Variants in SGCZ observed in about 807,000 individuals in gnomAD.
SGCZ encodes the protein zeta-sarcoglycan.
Under a neutral mutation model 41.3 loss-of-function variants are expected in SGCZ, and 40 were observed. The ratio of observed to expected loss-of-function variants is 0.97; its 90% CI spans 0.75 to 1.26. The LOEUF (loss-of-function observed/expected upper bound fraction) is 1.26. SGCZ is among the 50% of genes most tolerant of loss of function. SGCZ has a pLI of 0.00. For synonymous variants in SGCZ, 206 were observed against 137.5 expected (o/e 1.50, Z -3.49); for missense variants, 552 against 369.8 (o/e 1.49, Z -4.04).
At chr8:14,563,365 C>A (rs570921765) in intron 1 of SGCZ, among the ~76,000 whole-genome samples, 1 of 152,048 alleles carries the variant, frequency 6.6e-6, no homozygotes, top group Non-Finnish European at 1.5e-5. Context: ...TCTGGATAGA[C>A]GGCAAAGGCT....
At chr8:14,811,035 A>C (rs1028829623) in intron 1 of SGCZ, among the ~76,000 whole-genome samples, 1 of 152,036 alleles carries the variant, frequency 6.6e-6, no homozygotes, top group Non-Finnish European at 1.5e-5. Flanking sequence ...TTTCTAGATT[A>C]ACTGTAGTGT....
chr8:15,028,758 A>C (rs1044587429), intron 1 of SGCZ, among the ~76,000 whole-genome samples: 6 of 152,042 alleles, frequency 3.9e-5, no homozygotes, highest in Non-Finnish European at 2.9e-5. Flanking sequence ...TCTTTTATTT[A>C]TGAGGTTAAG....
chr8:14,712,540 G>C (rs377465054), intron 1 of SGCZ, among the ~76,000 whole-genome samples: 5 of 152,106 alleles, frequency 3.3e-5, no homozygotes, highest in African/African-American at 9.7e-5. Context: ...AAAAATATTA[G>C]CAAAGTAATT....
chr8:15,178,044 A>G (rs1002655633), intron 1 of SGCZ, among the ~76,000 whole-genome samples: 1 of 152,060 alleles, frequency 6.6e-6, no homozygotes, highest in South Asian at 2.1e-4. Context: ...TAGCCTTGCA[A>G]TTTGCTCCAT....
intron 1 of SGCZ, among the ~76,000 whole-genome samples, chr8:15,134,419 G>C (rs1350973554): frequency 1.3e-5 from 2 of 151,724 alleles, no homozygotes; most frequent in Non-Finnish European, 2.9e-5. Flanking sequence ...ATGCCCAAGG[G>C]TACATTCACT....
chr8:14,515,905 TATC>T (rs1802606313), intron 2 of SGCZ, among the ~76,000 whole-genome samples: 1 of 152,116 alleles, frequency 6.6e-6, no homozygotes, highest in South Asian at 2.1e-4. Context: ...TACGTTGTTA[TATC>T]ATCTTTTACT....
chr8:14,959,019 A>C lies in SGCZ; in HGVS notation c.39+278566T>G, dbSNP rs146583142. Among the ~76,000 whole-genome samples, 986 of 152,252 alleles carry C rather than the reference A, an allele frequency of 6.5e-3. 10 individuals are homozygous for C. The highest frequency in any genetic ancestry group is 0.02 in the African/African-American group (834 of 41,578). On this transcript the variant is annotated intron_variant, in intron 1 of 7. Transcript: ENST00000382080. ...AACAAATCATGAACTCCTACTACAT[A>C]GTAAAACAAACATTTTTTCTTCCTT...
At chr8:14,689,249 T>C (rs912532560) in intron 1 of SGCZ, among the ~76,000 whole-genome samples, 3 of 152,172 alleles carry the variant, frequency 2.0e-5, no homozygotes, top group Middle Eastern at 3.4e-3. Context: ...TTTTTGAAAA[T>C]TGAAAAAGTT....
intron 2 of SGCZ, among the ~76,000 whole-genome samples, chr8:14,407,104 C>T: frequency 8.0e-6 from 1 of 124,730 alleles, no homozygotes; most frequent in South Asian, 2.6e-4. Context: ...GAGACTCACT[C>T]TGTCACCAGG....
At chr8:14,271,341 A>C (rs1219748338) in intron 3 of SGCZ, among the ~76,000 whole-genome samples, 1 of 152,194 alleles carries the variant, frequency 6.6e-6, no homozygotes, top group Non-Finnish European at 1.5e-5. Context: ...GATGAGAATC[A>C]TTTTGTTTTT....
intron 2 of SGCZ, among the ~76,000 whole-genome samples, chr8:14,331,223 T>C (rs1172265041): frequency 6.6e-6 from 1 of 152,048 alleles, no homozygotes; most frequent in African/African-American, 2.4e-5. Flanking sequence ...AAATATTAAA[T>C]TGTTTCAATG....
At chr8:14,658,379 C>G (rs1807642437) in intron 1 of SGCZ, among the ~76,000 whole-genome samples, 1 of 152,028 alleles carries the variant, frequency 6.6e-6, no homozygotes, top group African/African-American at 2.4e-5. Context: ...GTTTTTTCAG[C>G]AAACAGAGTG....
At chr8:15,048,015 C>T (rs960083869) in intron 1 of SGCZ, among the ~76,000 whole-genome samples, 1 of 151,940 alleles carries the variant, frequency 6.6e-6, no homozygotes, top group African/African-American at 2.4e-5. Flanking sequence ...AATCAGTATG[C>T]CAAAGAGATT....
At chr8:14,764,541 C>A (rs1468981118) in intron 1 of SGCZ, among the ~76,000 whole-genome samples, 3 of 152,154 alleles carry the variant, frequency 2.0e-5, no homozygotes, top group African/African-American at 7.2e-5. Context: ...AGATCTACAC[C>A]TGCAGAAACC....
chr8:14,341,582 C>T (rs1251772189), intron 2 of SGCZ, among the ~76,000 whole-genome samples: 1 of 152,018 alleles, frequency 6.6e-6, no homozygotes, highest in Non-Finnish European at 1.5e-5. Flanking sequence ...TTTTCTCAAA[C>T]TGCTTGCCAA....
chr8:14,100,350 T>G (rs1460235599), intron 7 of SGCZ, among the ~76,000 whole-genome samples: 1 of 151,078 alleles, frequency 6.6e-6, no homozygotes, highest in Non-Finnish European at 1.5e-5. Flanking sequence ...AAATAGATAT[T>G]AATAATAATC....
chr8:14,829,376 A>G (rs1161083794), intron 1 of SGCZ, among the ~76,000 whole-genome samples: 1 of 152,130 alleles, frequency 6.6e-6, no homozygotes, highest in Non-Finnish European at 1.5e-5. Flanking sequence ...ATCCCTTACA[A>G]AAGTGTCTTG....
At chr8:14,524,271 C>A (rs1269769561) in intron 2 of SGCZ, among the ~76,000 whole-genome samples, 4 of 151,714 alleles carry the variant, frequency 2.6e-5, no homozygotes, top group Admixed American at 2.6e-4. Context: ...TATGTGCTGC[C>A]TTACTGATTC....
intron 1 of SGCZ, among the ~76,000 whole-genome samples, chr8:14,691,330 C>G (rs1465107927): frequency 6.6e-6 from 1 of 151,976 alleles, no homozygotes; most frequent in Non-Finnish European, 1.5e-5. Context: ...TTTAAAGAAG[C>G]TAAAAATCTC....
Sources: allele counts gnomAD v4.1 joint callset (sites outside exome capture counted in the v4.1 genomes callset), GRCh38; gene constraint gnomAD v4.1.1; transcripts MANE v1.5; gene names NCBI Gene and HGNC (gene_info 2026-07-23, HGNC 2026-07-21).